FXN: variants seen among roughly 807,000 people sequenced by gnomAD.
The protein encoded by FXN is frataxin, mitochondrial.
A neutral mutation model predicts 22.4 loss-of-function variants in FXN; 14 were observed. That is an observed-to-expected ratio of 0.62 (90% CI 0.41 to 0.98). The LOEUF (loss-of-function observed/expected upper bound fraction) is 0.98, where lower values mean the gene tolerates loss of function less well. Among genes scored for constraint, FXN ranks in the 50% least tolerant of loss-of-function variants. FXN has a pLI of 0.00. For synonymous variants in FXN, 120 were observed against 114.1 expected (o/e 1.05, Z -0.33); for missense variants, 267 against 268.4 (o/e 0.99, Z 0.04).
At position 69,074,936 on chromosome 9, in the gene FXN, A is replaced by G. The variant is rs1318185298; in HGVS notation, c.*2174A>G. ...TTGCTTCTACTGAAAGTTTCAGTGC[A>G]CCCCACTTACTTAGAACTCGGTGAC... On this transcript the variant is annotated 3_prime_UTR_variant, in exon 5 of 5. Coordinates refer to ENST00000484259, the MANE Select transcript of FXN (RefSeq NM_000144.5). 6 of 985,270 alleles carry G rather than the reference A, an allele frequency of 6.1e-6. No homozygotes were observed. Among genetic ancestry groups the G allele is most frequent in the African/African-American group, 1.7e-5 (1 of 57,214 alleles). The allele number at this position is 985,270 out of a possible 1,614,324, so 61.0% of individuals were successfully genotyped here. A position where few individuals can be genotyped will look rare whatever the true frequency, so the allele number is the denominator to read the frequency against.
At chr9:69,070,394 G>C (rs986668092) in intron 4 of FXN, among the ~76,000 whole-genome samples, 2 of 152,196 alleles carry the variant, frequency 1.3e-5, no homozygotes, top group East Asian at 1.9e-4. Context: ...GGCTCCTGGC[G>C]CCCCGCCCAC....
chr9:69,049,190 A>G (rs576131689), intron 2 of FXN, among the ~76,000 whole-genome samples: 3 of 152,022 alleles, frequency 2.0e-5, no homozygotes, highest in South Asian at 2.1e-4. Flanking sequence ...GCACCTTCCA[A>G]CCTCTTCACT....
chr9:69,044,250 G>GT (rs1831707413), intron 1 of FXN, among the ~76,000 whole-genome samples: 1 of 152,142 alleles, frequency 6.6e-6, no homozygotes. Context: ...TCACAGGATT[G>GT]TAATGAAGAC....
intron 4 of FXN, among the ~76,000 whole-genome samples, chr9:69,066,449 A>G (rs1832167226): frequency 6.6e-6 from 1 of 152,204 alleles, no homozygotes; most frequent in South Asian, 2.1e-4. Flanking sequence ...CAGCACTAGA[A>G]ATCACTGTCA....
chr9:69,044,406 C>T (rs1045626636), intron 1 of FXN, among the ~76,000 whole-genome samples: 5 of 152,164 alleles, frequency 3.3e-5, no homozygotes, highest in Admixed American at 6.5e-5. Context: ...CTGCCCCACC[C>T]TCCCCATCCA....
At position 69,073,879 on chromosome 9, in the gene FXN, A is replaced by G. The variant is rs1832318981; in HGVS notation, c.*1117A>G. 2.0e-6 allele frequency: 2 copies of G among 985,412 alleles called. No individual in the cohort carries two copies. Among genetic ancestry groups the G allele is most frequent in the Non-Finnish European group, 2.4e-6 (2 of 829,926 alleles). The allele number at this position is 985,412 out of a possible 1,614,324, so 61.0% of individuals were successfully genotyped here. A position where few individuals can be genotyped will look rare whatever the true frequency, so the allele number is the denominator to read the frequency against. ...CCCTATCGTGATTTCAGTTGAATTC[A>G]TGTGAAAATAATAGCCATCCTTGGC... On this transcript the variant is annotated 3_prime_UTR_variant, in exon 5 of 5. Coordinates refer to ENST00000484259, the MANE Select transcript of FXN (RefSeq NM_000144.5).
intron 3 of FXN, among the ~76,000 whole-genome samples, chr9:69,062,203 T>C (rs567645657): frequency 6.6e-6 from 1 of 152,152 alleles, no homozygotes; most frequent in Non-Finnish European, 1.5e-5. Context: ...CCTCAATCTC[T>C]GAGGCTCAAG....
intron 3 of FXN, among the ~76,000 whole-genome samples, chr9:69,053,507 G>GGATA (rs746766848): frequency 6.6e-6 from 1 of 150,664 alleles, no homozygotes; most frequent in African/African-American, 2.5e-5. Flanking sequence ...ATGGATGGAT[G>GGATA]GATAGATAGA....
intron 3 of FXN, among the ~76,000 whole-genome samples, chr9:69,061,515 A>T (rs961960604): frequency 2.6e-5 from 4 of 151,844 alleles, no homozygotes; most frequent in Non-Finnish European, 5.9e-5. Context: ...TGATTCTTTG[A>T]GCTCTTTTTT....
At position 69,075,421 on chromosome 9, in the gene FXN, C is replaced by G. The variant is rs957075579; in HGVS notation, c.*2659C>G. On this transcript the variant is annotated 3_prime_UTR_variant, in exon 5 of 5. Coordinates refer to ENST00000484259, the MANE Select transcript of FXN (RefSeq NM_000144.5). ...GTTGCAGTGAGACGAGATCATGCCA[C>G]TTCACTCCAGCCTGGCCAACAGAGC... The G allele has an allele frequency of 3.3e-6, 3 of 898,850 alleles. No individual in the cohort carries two copies. The African/African-American group carries it at 5.4e-5, about 16-fold the overall frequency. The allele number at this position is 898,850 out of a possible 1,614,324, so 55.7% of individuals were successfully genotyped here. A position where few individuals can be genotyped will look rare whatever the true frequency, so the allele number is the denominator to read the frequency against.
Position 69,076,380 on chromosome 9 carries a change from T to A in FXN, c.*3618T>A. 1.0e-6 allele frequency: 1 copy of A among 985,400 alleles called. No individual in the cohort carries two copies. The highest frequency in any genetic ancestry group is 4.7e-5 in the South Asian group (1 of 21,282). 61.0% of individuals were successfully genotyped at this position (985,400 alleles called of 1,614,324 possible). On this transcript the variant is annotated 3_prime_UTR_variant, in exon 5 of 5. Transcript: ENST00000484259. Reference sequence around the variant, plus strand: ...TCACATTGGAGGACTTCTCCCAAAATATGGATGACGTTCCCTACTCAACCT... The same window carrying A: ...TCACATTGGAGGACTTCTCCCAAAAAATGGATGACGTTCCCTACTCAACCT...
intron 4 of FXN, among the ~76,000 whole-genome samples, chr9:69,069,343 C>T (rs944348): frequency 0.51 from 77,358 of 151,768 alleles, 19,811 homozygotes; most frequent in Admixed American, 0.6. Flanking sequence ...CCATCCTGGG[C>T]GACAGAGTGA....
At chr9:69,061,697 C>A (rs1021349260) in intron 3 of FXN, among the ~76,000 whole-genome samples, 1 of 136,890 alleles carries the variant, frequency 7.3e-6, no homozygotes, top group African/African-American at 2.7e-5. Flanking sequence ...CCACAACAGT[C>A]CCCAGAGTGT....
At chr9:69,051,869 C>T (rs79490757) in intron 2 of FXN, among the ~76,000 whole-genome samples, 4,445 of 152,232 alleles carry the variant, frequency 0.029, 223 homozygotes, top group African/African-American at 0.1. Flanking sequence ...TTCTTTGAGA[C>T]GGAGTTTTGC....
intron 3 of FXN, among the ~76,000 whole-genome samples, chr9:69,054,220 G>A (rs1233136708): frequency 3.3e-5 from 5 of 152,082 alleles, no homozygotes; most frequent in African/African-American, 9.7e-5. Flanking sequence ...GGCTGGTCTC[G>A]ATCTCCTGAC....
chr9:69,039,554 G>A lies in FXN; in HGVS notation c.165+3607G>A, dbSNP rs527595350. ...AGGCTGGGAAGGACTCTGATTCCAC[G>A]AGGCAGCCTATGTTTTTTGATGGAG... On this transcript the variant is annotated intron_variant, in intron 1 of 4. Transcript: ENST00000484259. 3.9e-5 allele frequency among the ~76,000 whole-genome samples: 6 copies of A among 152,226 alleles called. No homozygotes were observed. In the South Asian group the frequency reaches 8.3e-4, roughly 21 times the overall value.
intron 1 of FXN, among the ~76,000 whole-genome samples, chr9:69,045,109 G>A (rs1831724085): frequency 6.6e-6 from 1 of 152,120 alleles, no homozygotes; most frequent in Non-Finnish European, 1.5e-5. Context: ...AGCCACATGT[G>A]GCCACAGGAT....
chr9:69,037,404 T>G (rs1444134183), intron 1 of FXN, among the ~76,000 whole-genome samples: 1 of 151,860 alleles, frequency 6.6e-6, no homozygotes, highest in Non-Finnish European at 1.5e-5. Flanking sequence ...AGGCAGAGGT[T>G]GCATTAAGCC....
rs573282462 is a variant in FXN at position 69,057,012 on chromosome 9, G to A, written c.384+3752G>A. Among the ~76,000 whole-genome samples the A allele has an allele frequency of 5.5e-4, 83 of 152,146 alleles. 1 individual carries two copies. The Middle Eastern group carries it at 0.044, about 81-fold the overall frequency. ...AACTGCTTTGGCCTCCCAAAGTGCT[G>A]GGATTACAGGCAGCTCCAAAGTGCT... is the stretch of plus-strand genomic sequence containing the variant. On this transcript the variant is annotated intron_variant, in intron 3 of 4. Transcript: ENST00000484259.
Sources: allele counts gnomAD v4.1 joint callset (sites outside exome capture counted in the v4.1 genomes callset), GRCh38; gene constraint gnomAD v4.1.1; transcripts MANE v1.5; gene names NCBI Gene and HGNC (gene_info 2026-07-23, HGNC 2026-07-21).